SLC35D4: variants seen among roughly 807,000 people sequenced by gnomAD.
The protein encoded by SLC35D4 is UDP-N-acetylglucosamine transporter SLC35D4.
the SLC35D4 span, among the ~76,000 whole-genome samples, chr18:23,316,868 C>T: frequency 6.6e-6 from 1 of 152,180 alleles, no homozygotes; most frequent in African/African-American, 2.4e-5. Context: ...AGACACCAGG[C>T]TCTGCTGTGT....
the SLC35D4 span, among the ~76,000 whole-genome samples, chr18:23,341,397 C>T: frequency 6.6e-6 from 1 of 152,338 alleles, no homozygotes; most frequent in East Asian, 1.9e-4. Flanking sequence ...GAACTTGGAA[C>T]TGATGAAGTT....
the SLC35D4 span, among the ~76,000 whole-genome samples, chr18:23,298,868 C>T: frequency 6.6e-6 from 1 of 152,218 alleles, no homozygotes; most frequent in African/African-American, 2.4e-5. Context: ...CTTCCTCTCT[C>T]ATCTGCCTAC....
At chr18:23,288,752 C>T in the SLC35D4 span, among the ~76,000 whole-genome samples, 19 of 152,250 alleles carry the variant, frequency 1.2e-4, no homozygotes, top group East Asian at 9.7e-4. Context: ...TTATACAGTC[C>T]GATAGCAGAC....
At chr18:23,373,695 A>C in the SLC35D4 span, 1 of 1,613,350 alleles carries the variant, frequency 6.2e-7, no homozygotes. Flanking sequence ...AAGGCAAATG[A>C]GTTCACTTGG....
the SLC35D4 span, chr18:23,370,286 C>G: frequency 5.6e-6 from 9 of 1,611,698 alleles, no homozygotes; most frequent in Non-Finnish European, 7.6e-6. Flanking sequence ...AAACATATCA[C>G]TGGTCATGGT....
the SLC35D4 span, among the ~76,000 whole-genome samples, chr18:23,295,484 GA>G: frequency 2.6e-5 from 4 of 151,362 alleles, no homozygotes; most frequent in East Asian, 1.9e-4. Context: ...CTGGAGGTTA[GA>G]AAAAAAATAA....
the SLC35D4 span, among the ~76,000 whole-genome samples, chr18:23,393,045 A>G: frequency 6.6e-6 from 1 of 152,068 alleles, no homozygotes; most frequent in Non-Finnish European, 1.5e-5. Flanking sequence ...CCTCCTGAGT[A>G]GCTGGGATTA....
the SLC35D4 span, chr18:23,371,296 G>A: frequency 1.5e-6 from 1 of 685,998 alleles, no homozygotes; most frequent in Non-Finnish European, 2.3e-6. Flanking sequence ...GGTTTCTCAA[G>A]GTTGCCCAGG....
the SLC35D4 span, among the ~76,000 whole-genome samples, chr18:23,434,839 A>T: frequency 6.6e-6 from 1 of 151,552 alleles, no homozygotes. Flanking sequence ...GCTCCAAAAA[A>T]TTTTGAAAAA....
the SLC35D4 span, among the ~76,000 whole-genome samples, chr18:23,437,627 G>C: frequency 6.6e-6 from 1 of 152,284 alleles, no homozygotes; most frequent in South Asian, 2.1e-4. Context: ...ATTTCTGAAA[G>C]AGCATCCCAC....
At chr18:23,340,431 G>A in the SLC35D4 span, among the ~76,000 whole-genome samples, 2 of 152,166 alleles carry the variant, frequency 1.3e-5, no homozygotes, top group Non-Finnish European at 2.9e-5. Context: ...GAAGGGATAG[G>A]GGAGGCAAGT....
the SLC35D4 span, among the ~76,000 whole-genome samples, chr18:23,347,354 G>C: frequency 6.6e-6 from 1 of 151,876 alleles, no homozygotes; most frequent in Non-Finnish European, 1.5e-5. Flanking sequence ...AGCTTCTATA[G>C]GATCAGTAGT....
chr18:23,257,004 T>C, the SLC35D4 span, among the ~76,000 whole-genome samples: 7 of 152,214 alleles, frequency 4.6e-5, no homozygotes, highest in African/African-American at 1.4e-4. Flanking sequence ...ATAAGATGTA[T>C]GTGTGGTTCC....
chr18:23,318,113 T>G, the SLC35D4 span, among the ~76,000 whole-genome samples: 5 of 152,214 alleles, frequency 3.3e-5, no homozygotes, highest in Admixed American at 3.3e-4. Context: ...GTTATCTTTC[T>G]TTTTAATTCT....
chr18:23,373,761 G>C, the SLC35D4 span: 2 of 1,613,136 alleles, frequency 1.2e-6, no homozygotes, highest in South Asian at 1.1e-5. Context: ...GAGGAGGAGG[G>C]CACTGTGGAG....
the SLC35D4 span, among the ~76,000 whole-genome samples, chr18:23,425,180 A>G: frequency 6.6e-6 from 1 of 152,138 alleles, no homozygotes; most frequent in Non-Finnish European, 1.5e-5. Context: ...AGTTCATTGC[A>G]ACCTCCACTT....
chr18:23,253,124 C>A, the SLC35D4 span: 1 of 945,088 alleles, frequency 1.1e-6, no homozygotes, highest in South Asian at 1.3e-5. Context: ...TTCCACACAC[C>A]GTAAGCTTGT....
chr18:23,332,452 A>G, the SLC35D4 span, among the ~76,000 whole-genome samples: 4 of 152,240 alleles, frequency 2.6e-5, no homozygotes, highest in Admixed American at 2.6e-4. Flanking sequence ...GTACTTCTAA[A>G]GCATAAATAT....
the SLC35D4 span, among the ~76,000 whole-genome samples, chr18:23,335,070 G>A: frequency 6.6e-6 from 1 of 151,906 alleles, no homozygotes; most frequent in African/African-American, 2.4e-5. Context: ...TTTTGTAAGA[G>A]AGGAGAGCAA....
Sources: gnomAD v4.1 joint callset for allele counts (sites outside exome capture counted in the v4.1 genomes callset) on GRCh38, gnomAD v4.1.1 for gene constraint, MANE v1.5 for transcripts, NCBI Gene and HGNC (gene_info 2026-07-23, HGNC 2026-07-21) for gene names.